TACR3: variants seen among roughly 807,000 people sequenced by gnomAD.
The protein encoded by TACR3 is neuromedin-K receptor.
In TACR3, 34 loss-of-function variants were observed where a neutral mutation model predicts 35.0. The ratio of observed to expected loss-of-function variants is 0.97; its 90% CI spans 0.74 to 1.30. TACR3 has a LOEUF of 1.30. Ranked by LOEUF, TACR3 falls within the 50% of genes most tolerant of loss-of-function variation. TACR3 has a pLI of 0.00. For synonymous variants in TACR3, 233 were observed against 221.1 expected, an observed-to-expected ratio of 1.05 and a Z score of -0.48; for missense variants, 558 against 591.7, an observed-to-expected ratio of 0.94 and a Z score of 0.59.
At chr4:103,678,061 C>T (rs79202129) in intron 1 of TACR3, among the ~76,000 whole-genome samples, 4,820 of 152,162 alleles carry the variant, frequency 0.032, 267 homozygotes, top group African/African-American at 0.11. Flanking sequence ...CTAAATCTCT[C>T]CGTTTAAAAC....
At chr4:103,594,692 T>C (rs1047878012) in intron 3 of TACR3, among the ~76,000 whole-genome samples, 2 of 152,196 alleles carry the variant, frequency 1.3e-5, no homozygotes, top group Admixed American at 1.3e-4. Flanking sequence ...TCAATTTTCA[T>C]AGTGCAAAAA....
Position 103,676,316 on chromosome 4 carries a change from A to G in TACR3, c.549-17913T>C, listed in dbSNP as rs186380003. On this transcript the variant is annotated intron_variant, in intron 1 of 4. Coordinates refer to ENST00000304883, the MANE Select transcript of TACR3 (RefSeq NM_001059.3). ...AATAAGTAGTTTTCTTAACTTTGCT[A>G]AATAGAAATAACAAACATAACACTA... is the stretch of plus-strand genomic sequence containing the variant. Among the ~76,000 whole-genome samples the G allele has an allele frequency of 1.7e-3, 255 of 152,322 alleles. 1 individual carries two copies. The highest frequency in any genetic ancestry group is 5.8e-3 in the African/African-American group (239 of 41,564).
At chr4:103,662,710 A>G (rs1296123198) in intron 1 of TACR3, among the ~76,000 whole-genome samples, 2 of 152,184 alleles carry the variant, frequency 1.3e-5, no homozygotes, top group South Asian at 2.1e-4. Context: ...TTGGAAACAG[A>G]TATGTAGGGA....
Position 103,647,335 on chromosome 4 carries a change from G to C in TACR3, c.888+8859C>G, listed in dbSNP as rs190089498. On this transcript the variant is annotated intron_variant, in intron 3 of 4. Coordinates refer to ENST00000304883, the MANE Select transcript of TACR3 (RefSeq NM_001059.3). ...AAAATCTTTGACTATCTACTAATAAGTAGACTAAAGTTGACAAGGATCAGT... is the reference window on the plus strand; with the variant it reads ...AAAATCTTTGACTATCTACTAATAACTAGACTAAAGTTGACAAGGATCAGT... Among the ~76,000 whole-genome samples, 26 of 151,944 alleles carry C rather than the reference G, an allele frequency of 1.7e-4. No homozygotes were observed. In the East Asian group the frequency reaches 5.0e-3, roughly 29 times the overall value.
intron 3 of TACR3, among the ~76,000 whole-genome samples, chr4:103,597,808 T>C (rs1015043509): frequency 6.6e-6 from 1 of 152,218 alleles, no homozygotes; most frequent in Non-Finnish European, 1.5e-5. Context: ...CTGCATAGTA[T>C]TCCATGGTGT....
chr4:103,604,120 G>C (rs1444131709), intron 3 of TACR3, among the ~76,000 whole-genome samples: 1 of 152,120 alleles, frequency 6.6e-6, no homozygotes, highest in African/African-American at 2.4e-5. Context: ...GGAGGCATCA[G>C]GCTGCTTGAC....
intron 3 of TACR3, among the ~76,000 whole-genome samples, chr4:103,622,832 T>C (rs573863952): frequency 6.6e-6 from 1 of 152,114 alleles, no homozygotes; most frequent in Admixed American, 6.5e-5. Context: ...TGGAGCTCAG[T>C]AGCAAGCAGC....
In TACR3 at chr4:103,719,115, G is replaced by T; in HGVS notation, c.548+13C>A. On this transcript the variant is annotated intron_variant, in intron 1 of 4. Transcript: ENST00000304883. The stretch of plus-strand genomic sequence containing the variant: ...CCTTCTCCCTCTTTCCTCTCTGTCT[G>T]TCCTCTCCTCACCTGTCCACCGCAA... 1 of 1,613,980 alleles carries T rather than the reference G, an allele frequency of 6.2e-7. No individual in the cohort carries two copies. The highest frequency in any genetic ancestry group is 8.5e-7 in the Non-Finnish European group (1 of 1,179,994).
intron 1 of TACR3, among the ~76,000 whole-genome samples, chr4:103,710,527 C>G (rs748011625): frequency 8.5e-5 from 13 of 152,142 alleles, no homozygotes; most frequent in Middle Eastern, 3.4e-3. Context: ...TAAATGCCCA[C>G]AAGAGAAAGC....
At chr4:103,661,358 T>C (rs1057257012) in intron 1 of TACR3, among the ~76,000 whole-genome samples, 1 of 152,202 alleles carries the variant, frequency 6.6e-6, no homozygotes, top group Non-Finnish European at 1.5e-5. Context: ...ATAGCATTTA[T>C]TTCAATATAG....
intron 3 of TACR3, among the ~76,000 whole-genome samples, chr4:103,633,471 A>G (rs926372960): frequency 6.6e-6 from 1 of 151,934 alleles, no homozygotes; most frequent in Non-Finnish European, 1.5e-5. Flanking sequence ...TTACATAAGT[A>G]AATTCTTTAG....
intron 3 of TACR3, among the ~76,000 whole-genome samples, chr4:103,644,675 C>A (rs944408959): frequency 6.6e-6 from 1 of 151,574 alleles, no homozygotes; most frequent in Admixed American, 6.6e-5. Context: ...TCCTGACTTT[C>A]ATTTCCCTAG....
At chr4:103,602,426 G>A (rs866030339) in intron 3 of TACR3, among the ~76,000 whole-genome samples, 11 of 151,988 alleles carry the variant, frequency 7.2e-5, no homozygotes, top group African/African-American at 2.4e-4. Context: ...CGTTGCTGGT[G>A]AGGAGCTGTG....
intron 3 of TACR3, among the ~76,000 whole-genome samples, chr4:103,647,272 C>T (rs1420629836): frequency 6.6e-6 from 1 of 151,838 alleles, no homozygotes; most frequent in African/African-American, 2.4e-5. Context: ...TAATGATTTT[C>T]ATACATTGCA....
At chr4:103,695,028 T>C (rs1046351376) in intron 1 of TACR3, among the ~76,000 whole-genome samples, 7 of 152,182 alleles carry the variant, frequency 4.6e-5, no homozygotes, top group Non-Finnish European at 1.0e-4. Flanking sequence ...TATTTTTTAT[T>C]AGTAGTAAAT....
rs1723860225 is a variant in TACR3 at position 103,590,010 on chromosome 4, C to A, written c.1086-16G>T. The A allele has an allele frequency of 6.2e-7, 1 of 1,611,358 alleles. No individual in the cohort carries two copies. Among genetic ancestry groups the A allele is most frequent in the South Asian group, 1.1e-5 (1 of 90,982 alleles). On this transcript the variant is annotated splice_polypyrimidine_tract_variant and intron_variant, in intron 4 of 4. Coordinates refer to ENST00000304883, the MANE Select transcript of TACR3 (RefSeq NM_001059.3). ...AGCTCGAAATCTGAGGAAAAGCAGG[C>A]CACAGAAAGAAAAAGTTATTTTTTC...
chr4:103,588,215 A>G lies in TACR3; in HGVS notation c.*1467T>C, dbSNP rs944947086. On this transcript the variant is annotated 3_prime_UTR_variant, in exon 5 of 5. Transcript: ENST00000304883. ...GTTTTAATATCGGTGGAGGCACAAC[A>G]GTAAAGTGTTTGTTAGAGAGTATTA... 2 of 152,182 alleles carry G rather than the reference A, an allele frequency of 1.3e-5. No homozygotes were observed. Among genetic ancestry groups the G allele is most frequent in the Non-Finnish European group, 2.9e-5 (2 of 68,006 alleles). The allele number at this position is 152,182 out of a possible 1,614,324, so 9.4% of individuals were successfully genotyped here.
chr4:103,604,906 T>C (rs1724312251), intron 3 of TACR3, among the ~76,000 whole-genome samples: 1 of 151,172 alleles, frequency 6.6e-6, no homozygotes, highest in East Asian at 2.0e-4. Flanking sequence ...TGTATACATG[T>C]GCCATGCTGG....
intron 3 of TACR3, among the ~76,000 whole-genome samples, chr4:103,639,078 T>C (rs1204224028): frequency 1.3e-5 from 2 of 152,088 alleles, no homozygotes; most frequent in African/African-American, 4.8e-5. Context: ...GACCCAGCCA[T>C]CCCATTACTG....
Sources: allele counts gnomAD v4.1 joint callset (sites outside exome capture counted in the v4.1 genomes callset), GRCh38; gene constraint gnomAD v4.1.1; transcripts MANE v1.5; gene names NCBI Gene and HGNC (gene_info 2026-07-23, HGNC 2026-07-21).